SLC1A6: variants seen among roughly 807,000 people sequenced by gnomAD.
SLC1A6 encodes solute carrier family 1 member 6.
In SLC1A6, 15 loss-of-function variants were observed where a neutral mutation model predicts 42.1. The ratio of observed to expected loss-of-function variants is 0.36; its 90% confidence interval spans 0.24 to 0.55. The LOEUF is 0.55. SLC1A6 is among the 20% of genes least tolerant of loss of function. The probability of loss-of-function intolerance (pLI) is 0.88; values close to 1 mark genes in which losing one functional copy is unlikely to be tolerated. For synonymous variants in SLC1A6, 317 were observed against 319.7 expected (o/e 0.99, Z 0.09); for missense variants, 542 against 772.5 (o/e 0.70, Z 3.54).
rs1386425501 is a variant in SLC1A6, at chr19:14,988,828, G to C, written c.7-15911C>G. On this transcript the variant is annotated intron_variant, in intron 1 of 8. Transcript: ENST00000430939. ...TCAGGAGTAGGAGACGACCAGCCTG[G>C]GCAGCATAGCAAGATCCCATCTCTA... is the stretch of plus-strand genomic sequence containing the variant. Among the ~76,000 whole-genome samples, 5 of 151,994 alleles carry C rather than the reference G, an allele frequency of 3.3e-5. No homozygotes were observed. In the East Asian group the frequency reaches 7.7e-4, roughly 23 times the overall value.
intron 7 of SLC1A6, among the ~76,000 whole-genome samples, chr19:14,956,108 G>C (rs2045460643): frequency 6.6e-6 from 1 of 152,018 alleles, no homozygotes; most frequent in African/African-American, 2.4e-5. Context: ...GAAGAAGAAG[G>C]AGGAGGAGAA....
intron 1 of SLC1A6, among the ~76,000 whole-genome samples, chr19:14,997,516 T>A (rs191084744): frequency 6.6e-6 from 1 of 152,084 alleles, no homozygotes; most frequent in Non-Finnish European, 1.5e-5. Context: ...AATGGCAGCA[T>A]TGGGGCAGAT....
chr19:14,998,896 T>TTTATTTATTTATTTA (rs773825343), intron 1 of SLC1A6, among the ~76,000 whole-genome samples: 26 of 94,674 alleles, frequency 2.7e-4, no homozygotes, highest in East Asian at 4.1e-4. Flanking sequence ...TTATTTATTT[T>TTTATTTATTTATTTA]TAATGGAGTC....
intron 1 of SLC1A6, chr19:15,010,416 G>C: frequency 2.2e-6 from 1 of 452,284 alleles, no homozygotes; most frequent in Non-Finnish European, 4.4e-6. Context: ...CTGAAAGAAG[G>C]GCCATGTGCT....
At chr19:14,956,387 G>A (rs1228240748) in intron 7 of SLC1A6, 89 bp downstream of exon 7, 1 of 777,598 alleles carries the variant, frequency 1.3e-6, no homozygotes, top group Non-Finnish European at 2.1e-6. Context: ...AGGTGTTTAA[G>A]GAATGGAGAG....
At chr19:14,970,583 T>A (rs6511990) in intron 3 of SLC1A6, among the ~76,000 whole-genome samples, 1 of 151,332 alleles carries the variant, frequency 6.6e-6, no homozygotes. Flanking sequence ...TGGTGGCGGG[T>A]GCCTGTAGTT....
chr19:14,970,829 G>A (rs1325763686), intron 3 of SLC1A6, among the ~76,000 whole-genome samples: 2 of 150,856 alleles, frequency 1.3e-5, no homozygotes, highest in East Asian at 2.0e-4. Flanking sequence ...TAAGCTTTTC[G>A]GGAGTCAAAA....
At chr19:14,994,752 A>G (rs1256702204) in intron 1 of SLC1A6, among the ~76,000 whole-genome samples, 1 of 152,222 alleles carries the variant, frequency 6.6e-6, no homozygotes, top group African/African-American at 2.4e-5. Flanking sequence ...TCTATTGCTT[A>G]AAAAGTTTGG....
chr19:14,989,862 C>T (rs191255840), intron 1 of SLC1A6, among the ~76,000 whole-genome samples: 1 of 151,760 alleles, frequency 6.6e-6, no homozygotes. Context: ...CGTGGTGGTG[C>T]GCACCTGTAA....
intron 6 of SLC1A6, chr19:14,961,428 T>C (rs2045510362): frequency 6.6e-6 from 1 of 152,194 alleles, no homozygotes; most frequent in South Asian, 2.1e-4. Context: ...AAAGAATAAA[T>C]GTAGCTGAAT....
intron 7 of SLC1A6, among the ~76,000 whole-genome samples, chr19:14,955,240 A>T (rs1056978766): frequency 5.3e-5 from 8 of 152,212 alleles, no homozygotes; most frequent in African/African-American, 1.7e-4. Context: ...ACCTAGCCAT[A>T]GACCAAGAGG....
intron 1 of SLC1A6, among the ~76,000 whole-genome samples, chr19:14,994,132 T>C (rs2045833846): frequency 6.6e-6 from 1 of 152,168 alleles, no homozygotes; most frequent in Non-Finnish European, 1.5e-5. Flanking sequence ...CCAGGGATGT[T>C]CTCCATCTGT....
intron 8 of SLC1A6, 78 bp downstream of exon 8, chr19:14,954,057 T>TACCACCCCAACCCACCCAG: frequency 3.0e-6 from 3 of 997,540 alleles, no homozygotes; most frequent in Non-Finnish European, 3.0e-6. Flanking sequence ...GGCCCCCTCC[T>TACCACCCCAACCCACCCAG]CCCTCCCCAA....
Position 14,956,829 on chromosome 19 carries a change from C to T in SLC1A6, c.936-120G>A, listed in dbSNP as rs568724805. The T allele has an allele frequency of 1.3e-4, 82 of 625,260 alleles. 1 individual carries two copies. Among genetic ancestry groups the T allele is most frequent in the Admixed American group, 5.3e-4 (18 of 33,778 alleles). 38.7% of individuals were successfully genotyped at this position (625,260 alleles called of 1,614,324 possible). A position where few individuals can be genotyped will look rare whatever the true frequency, so the allele number is the denominator to read the frequency against. ...CTGGAGCCACACAATACCCATGATA[C>T]GGCACCCTACTCCATCCCAGTCTTC... On this transcript the variant is annotated intron_variant, in intron 6 of 9. Coordinates refer to ENST00000594383, the MANE Select transcript of SLC1A6 (RefSeq NM_005071.3).
intron 8 of SLC1A6, 80 bp downstream of exon 8, chr19:14,954,055 C>T: frequency 1.8e-6 from 2 of 1,100,474 alleles, no homozygotes; most frequent in Non-Finnish European, 2.6e-6. Flanking sequence ...GAGGCCCCCT[C>T]CTCCCTCCCC....
At chr19:15,008,028 C>CG (rs373612506) in intron 1 of SLC1A6, among the ~76,000 whole-genome samples, 41 of 128,864 alleles carry the variant, frequency 3.2e-4, no homozygotes, top group African/African-American at 1.1e-3. Context: ...TCTGCCCCCC[C>CG]CCCAAAAAAA....
intron 1 of SLC1A6, among the ~76,000 whole-genome samples, chr19:15,006,295 A>T (rs2045895372): frequency 6.6e-6 from 1 of 152,174 alleles, no homozygotes; most frequent in Admixed American, 6.5e-5. Context: ...CAAGTGGCAG[A>T]ATCATAATTT....
At chr19:14,966,950 CG>C (rs1451960580) in intron 4 of SLC1A6, among the ~76,000 whole-genome samples, 1 of 152,020 alleles carries the variant, frequency 6.6e-6, no homozygotes, top group African/African-American at 2.4e-5. Context: ...ACCTAGATGA[CG>C]GGTTGATAGG....
Position 14,954,347 on chromosome 19 carries a change from G to T in SLC1A6, c.1170-18C>A, listed in dbSNP as rs201899525. 1.5e-5 allele frequency: 24 copies of T among 1,602,226 alleles called. No homozygotes were observed. The East Asian group carries it at 5.3e-4, about 36-fold the overall frequency. ...TTGCCGAGCTGGGGGAAAGAGCCCA[G>T]GACTGAGGATGGGGCGTGGCCTGGT... is the stretch of plus-strand genomic sequence containing the variant. On this transcript the variant is annotated intron_variant, in intron 7 of 9. Coordinates refer to ENST00000594383, the MANE Select transcript of SLC1A6 (RefSeq NM_005071.3).
Sources: allele counts gnomAD v4.1 joint callset (sites outside exome capture counted in the v4.1 genomes callset), GRCh38; gene constraint gnomAD v4.1.1; transcripts MANE v1.5; gene names NCBI Gene and HGNC (gene_info 2026-07-23, HGNC 2026-07-21).